The following NEO1 variants were observed in gnomAD, a reference collection of about 807,000 sequenced individuals.
NEO1 encodes the protein neogenin.
In NEO1, 63 loss-of-function variants were observed where a neutral mutation model predicts 159.7. The ratio of observed to expected loss-of-function variants is 0.39; its 90% CI spans 0.32 to 0.49. NEO1 has a LOEUF of 0.49. Ranked by LOEUF, NEO1 falls within the 20% of genes least tolerant of loss-of-function variation. The pLI, the probability that NEO1 is intolerant of heterozygous loss-of-function variation, is 0.85. For synonymous variants in NEO1, 633 were observed against 662.0 expected (o/e 0.96, Z 0.67); for missense variants, 1,615 against 1,831.0 (o/e 0.88, Z 2.15).
At chr15:73,118,979 T>G (rs1360247845) in intron 2 of NEO1, among the ~76,000 whole-genome samples, 2 of 150,162 alleles carry the variant, frequency 1.3e-5, no homozygotes, top group African/African-American at 2.4e-5. Context: ...TTGGGATTGC[T>G]GGATCATAGG....
At chr15:73,212,919 G>A (rs914646422) in intron 7 of NEO1, among the ~76,000 whole-genome samples, 1 of 152,048 alleles carries the variant, frequency 6.6e-6, no homozygotes, top group African/African-American at 2.4e-5. Flanking sequence ...CAACATGTTT[G>A]GTATCATTTC....
intron 5 of NEO1, among the ~76,000 whole-genome samples, chr15:73,138,034 A>G (rs2031953714): frequency 1.3e-5 from 2 of 152,338 alleles, no homozygotes; most frequent in African/African-American, 4.8e-5. Context: ...GACTTGTAGA[A>G]CACCTTAGAC....
At chr15:73,272,617 T>G in intron 19 of NEO1, 55 bp downstream of exon 19, 1 of 1,237,986 alleles carries the variant, frequency 8.1e-7, no homozygotes, top group Non-Finnish European at 1.2e-6. Context: ...CTGACAGGAG[T>G]ATTCCAGGAG....
chr15:73,063,618 C>T (rs2068072973), intron 1 of NEO1, among the ~76,000 whole-genome samples: 1 of 132,566 alleles, frequency 7.5e-6, no homozygotes, highest in Non-Finnish European at 1.7e-5. Flanking sequence ...TTTAGATGCG[C>T]AGCCTTTTTT....
At chr15:73,053,334 G>A (rs180952899) in intron 1 of NEO1, among the ~76,000 whole-genome samples, 1 of 152,178 alleles carries the variant, frequency 6.6e-6, no homozygotes, top group African/African-American at 2.4e-5. Flanking sequence ...CCGAGTCTGC[G>A]GAAGAGCGGG....
At chr15:73,080,297 T>C (rs1490086761) in intron 1 of NEO1, among the ~76,000 whole-genome samples, 2 of 152,188 alleles carry the variant, frequency 1.3e-5, no homozygotes, top group African/African-American at 4.8e-5. Flanking sequence ...CTTTCTTTTA[T>C]TGAATGGAAT....
intron 23 of NEO1, 122 bp from the exon 24 acceptor site, chr15:73,288,191 T>C: frequency 1.2e-6 from 1 of 803,596 alleles, no homozygotes; most frequent in Non-Finnish European, 2.0e-6. Context: ...GAGGTATGTT[T>C]TTAGTTTTTG....
At chr15:73,085,054 G>A (rs1025448241) in intron 1 of NEO1, among the ~76,000 whole-genome samples, 3 of 151,974 alleles carry the variant, frequency 2.0e-5, no homozygotes, top group Admixed American at 6.6e-5. Flanking sequence ...GGGCAGAAGT[G>A]GGGGTTGGAT....
chr15:73,270,260 A>G, intron 17 of NEO1, 27 bp downstream of exon 17: 1 of 1,613,802 alleles, frequency 6.2e-7, no homozygotes, highest in Non-Finnish European at 8.5e-7. Flanking sequence ...CCTGGCTGAA[A>G]AAAGCTAATC....
intron 1 of NEO1, among the ~76,000 whole-genome samples, chr15:73,106,684 G>A (rs565351915): frequency 6.6e-5 from 10 of 152,216 alleles, no homozygotes; most frequent in Non-Finnish European, 1.3e-4. Flanking sequence ...TTCACCAGCT[G>A]GCATCATGAC....
chr15:73,174,823 T>C (rs1270005350), intron 5 of NEO1, among the ~76,000 whole-genome samples: 1 of 152,194 alleles, frequency 6.6e-6, no homozygotes, highest in Non-Finnish European at 1.5e-5. Flanking sequence ...TACAAAAGGC[T>C]TGTCATTGTT....
Position 73,270,026 on chromosome 15 carries a change from T to G in NEO1, c.2511T>G (p.Asp837Glu). Reference sequence around the variant, plus strand: ...TCTGCTCAGACACTTCTGAAGTTGATTTATTTGTTATTAATGCTCCATACA... The same window carrying G: ...TCTGCTCAGACACTTCTGAAGTTGAGTTATTTGTTATTAATGCTCCATACA... Reference protein sequence around the residue: ...TRPHTDTSEVDLFVINAPYTP... With the variant: ...TRPHTDTSEVELFVINAPYTP... The change falls in exon 17 of 29, where the codon GAT (aspartate) becomes GAG (glutamate). Residue 837 changes from aspartate to glutamate, a missense_variant. Physicochemically the swap from Asp to Glu is conservative, Grantham distance 45. Coordinates refer to ENST00000261908, the MANE Select transcript of NEO1 (RefSeq NM_002499.4). 1 of 1,613,940 alleles carries G rather than the reference T, an allele frequency of 6.2e-7. No individual in the cohort carries two copies.
At chr15:73,124,961 A>G (rs551067290) in intron 3 of NEO1, among the ~76,000 whole-genome samples, 3 of 152,176 alleles carry the variant, frequency 2.0e-5, no homozygotes, top group Non-Finnish European at 2.9e-5. Flanking sequence ...AAAAAGAACT[A>G]TTGCCATATA....
At chr15:73,188,594 C>G (rs1408880174) in intron 7 of NEO1, among the ~76,000 whole-genome samples, 2 of 152,042 alleles carry the variant, frequency 1.3e-5, no homozygotes, top group African/African-American at 2.4e-5. Context: ...ATTACTAATG[C>G]TCATATTAGT....
chr15:73,265,816 C>T (rs1410925777), intron 15 of NEO1, among the ~76,000 whole-genome samples: 1 of 152,134 alleles, frequency 6.6e-6, no homozygotes, highest in Non-Finnish European at 1.5e-5. Flanking sequence ...GGCATGATGG[C>T]TAGGTGAGGT....
At chr15:73,082,094 G>T (rs1173425730) in intron 1 of NEO1, among the ~76,000 whole-genome samples, 1 of 151,952 alleles carries the variant, frequency 6.6e-6, no homozygotes, top group Admixed American at 6.6e-5. Flanking sequence ...GACTGGTCTC[G>T]AGCTCCTGAC....
chr15:73,235,391 C>A (rs1302803101), intron 7 of NEO1, among the ~76,000 whole-genome samples: 2 of 152,178 alleles, frequency 1.3e-5, no homozygotes, highest in Admixed American at 6.5e-5. Flanking sequence ...GAATAAAATT[C>A]TACTATCAGG....
At chr15:73,079,942 T>A (rs896838470) in intron 1 of NEO1, among the ~76,000 whole-genome samples, 3 of 152,208 alleles carry the variant, frequency 2.0e-5, no homozygotes, top group African/African-American at 4.8e-5. Flanking sequence ...GAATATATGA[T>A]GTATAAATGA....
At chr15:73,290,065 T>C (rs895265609) in intron 25 of NEO1, among the ~76,000 whole-genome samples, 1 of 151,978 alleles carries the variant, frequency 6.6e-6, no homozygotes, top group Non-Finnish European at 1.5e-5. Context: ...GAACCCAGCG[T>C]TTAAGGTTGC....
Sources: allele counts gnomAD v4.1 joint callset (sites outside exome capture counted in the v4.1 genomes callset), GRCh38; gene constraint gnomAD v4.1.1; transcripts MANE v1.5; gene names NCBI Gene and HGNC (gene_info 2026-07-23, HGNC 2026-07-21).